The following ICA1 variants were observed in gnomAD, a reference collection of about 807,000 sequenced individuals.
ICA1 encodes the protein 69 kDa islet cell autoantigen.
A neutral mutation model predicts 71.0 loss-of-function variants in ICA1; 40 were observed. The ratio of observed to expected loss-of-function variants is 0.56; its 90% CI spans 0.44 to 0.73. The LOEUF (loss-of-function observed/expected upper bound fraction) is 0.73. ICA1 is among the 30% of genes least tolerant of loss of function. The pLI is 0.00. For synonymous variants in ICA1, 207 were observed against 209.5 expected (o/e 0.99, Z 0.10); for missense variants, 578 against 576.5 (o/e 1.00, Z -0.03).
At chr7:8,119,649 C>T (rs1272491792) in intron 13 of ICA1, among the ~76,000 whole-genome samples, 2 of 152,008 alleles carry the variant, frequency 1.3e-5, no homozygotes, top group African/African-American at 4.8e-5. Context: ...AGTTCAAGAC[C>T]AGCCCGGCCA....
At chr7:8,172,449 G>A (rs920089078) in intron 6 of ICA1, among the ~76,000 whole-genome samples, 1 of 151,980 alleles carries the variant, frequency 6.6e-6, no homozygotes, top group Admixed American at 6.6e-5. Flanking sequence ...CTTTTGTTTT[G>A]AATAAATCTG....
At chr7:8,254,464 T>C (rs889832074) in intron 1 of ICA1, among the ~76,000 whole-genome samples, 3 of 148,880 alleles carry the variant, frequency 2.0e-5, no homozygotes, top group East Asian at 3.9e-4. Flanking sequence ...TATATGATCA[T>C]GTATGCTCAG....
intron 6 of ICA1, among the ~76,000 whole-genome samples, chr7:8,162,279 C>CG (rs1365264917): frequency 2.0e-5 from 3 of 152,230 alleles, no homozygotes; most frequent in Admixed American, 6.5e-5. Flanking sequence ...ACAACTTCAA[C>CG]ACTTGACCCA....
At position 8,121,882 on chromosome 7, in the gene ICA1, C is replaced by T. The variant is rs532641021; in HGVS notation, c.1330+5991G>A. 1.4e-4 allele frequency among the ~76,000 whole-genome samples: 21 copies of T among 152,250 alleles called. No individual in the cohort carries two copies. The East Asian group carries it at 3.3e-3, about 24-fold the overall frequency. On this transcript the variant is annotated intron_variant, in intron 13 of 13. Coordinates refer to ENST00000402384, the MANE Select transcript of ICA1 (RefSeq NM_001136020.3). ...ATCTCACATACCCCATAAATACATACGTCTACTAGTCCCACAGAAATTAAA... is the reference window on the plus strand; with the variant it reads ...ATCTCACATACCCCATAAATACATATGTCTACTAGTCCCACAGAAATTAAA...
At chr7:8,238,461 C>A (rs1802591100) in intron 1 of ICA1, among the ~76,000 whole-genome samples, 1 of 151,994 alleles carries the variant, frequency 6.6e-6, no homozygotes, top group South Asian at 2.1e-4. Flanking sequence ...AGGTCTTTTG[C>A]CCATTTTTAA....
intron 6 of ICA1, among the ~76,000 whole-genome samples, chr7:8,199,946 C>T (rs539853107): frequency 3.9e-5 from 6 of 152,004 alleles, no homozygotes; most frequent in Admixed American, 2.6e-4. Context: ...GTCGGGATGG[C>T]TAATGGGTAC....
chr7:8,190,233 G>C (rs7798832), intron 6 of ICA1, among the ~76,000 whole-genome samples: 150,101 of 151,812 alleles, frequency 0.99, 74,211 homozygotes, highest in Middle Eastern at 1. Flanking sequence ...TTTTTTTTCC[G>C]CAGTCAGATT....
chr7:8,116,756 T>C (rs2127995932), intron 13 of ICA1, among the ~76,000 whole-genome samples: 1 of 152,354 alleles, frequency 6.6e-6, no homozygotes, highest in South Asian at 2.1e-4. Flanking sequence ...TCTTCTCGAC[T>C]TCCAATATGA....
intron 6 of ICA1, among the ~76,000 whole-genome samples, chr7:8,195,542 CAAAACAAAAACA>C (rs58143077): frequency 0.039 from 5,872 of 149,470 alleles, 131 homozygotes; most frequent in Middle Eastern, 0.1. Context: ...AACTCTATCT[CAAAACAAAAACA>C]AAAACAAAAA....
At chr7:8,258,488 G>A (rs1322285142) in intron 1 of ICA1, among the ~76,000 whole-genome samples, 1 of 152,170 alleles carries the variant, frequency 6.6e-6, no homozygotes, top group Non-Finnish European at 1.5e-5. Context: ...ACTAATTGAG[G>A]AACTGCCACT....
intron 4 of ICA1, 68 bp downstream of exon 4, chr7:8,228,533 T>A (rs1799316987): frequency 1.1e-6 from 1 of 902,390 alleles, no homozygotes; most frequent in African/African-American, 1.7e-5. Context: ...TATGAAATGA[T>A]GTATCAAGAC....
intron 4 of ICA1, among the ~76,000 whole-genome samples, chr7:8,225,395 G>A (rs1798314575): frequency 6.6e-6 from 1 of 152,126 alleles, no homozygotes; most frequent in Non-Finnish European, 1.5e-5. Flanking sequence ...TTGATCACAG[G>A]TTTGCACCTG....
chr7:8,247,743 G>A (rs1247139289), intron 1 of ICA1, among the ~76,000 whole-genome samples: 4 of 152,130 alleles, frequency 2.6e-5, no homozygotes, highest in African/African-American at 4.8e-5. Flanking sequence ...TGCAATGAAC[G>A]CTTGTTCTGA....
rs1798693674 is a variant in ICA1 at position 8,226,685 on chromosome 7, G to C, written c.256+1916C>G. 6.6e-6 allele frequency among the ~76,000 whole-genome samples: 1 copy of C among 152,210 alleles called. No homozygotes were observed. Among genetic ancestry groups the C allele is most frequent in the African/African-American group, 2.4e-5 (1 of 41,458 alleles). ...AGAACTCCTCCTTCCTGTCTCTGCT[G>C]AGATGGCATGGCTCATGTGAGCTTA... On this transcript the variant is annotated intron_variant, in intron 4 of 13. Coordinates refer to ENST00000402384, the MANE Select transcript of ICA1 (RefSeq NM_001136020.3). This position sits in a 1 kb window ranked among gnomAD's most constrained non-coding sequence, Gnocchi z 4.4.
intron 13 of ICA1, chr7:8,115,097 T>C (rs1423110276): frequency 1.3e-5 from 2 of 152,254 alleles, no homozygotes; most frequent in African/African-American, 4.8e-5. Flanking sequence ...AATGCTAAGA[T>C]AGTGTACCGA....
At position 8,123,386 on chromosome 7, in the gene ICA1, G is replaced by A. The variant is rs942548108; in HGVS notation, c.1330+4487C>T. Among the ~76,000 whole-genome samples, 2 of 152,166 alleles carry A rather than the reference G, an allele frequency of 1.3e-5. No individual in the cohort carries two copies. Among genetic ancestry groups the A allele is most frequent in the African/African-American group, 4.8e-5 (2 of 41,436 alleles). On this transcript the variant is annotated intron_variant, in intron 13 of 13. Coordinates refer to ENST00000402384, the MANE Select transcript of ICA1 (RefSeq NM_001136020.3). The surrounding 1 kb of genome is among the most constrained non-coding windows in gnomAD (Gnocchi z 4.1). Reference sequence around the variant, plus strand: ...GGAAACTGAAGAGATGAAGGCGGAAGAGGAGGGGGAAATGTGGATTGTGAG... The same window carrying A: ...GGAAACTGAAGAGATGAAGGCGGAAAAGGAGGGGGAAATGTGGATTGTGAG...
At chr7:8,230,402 A>C (rs1355927697) in intron 3 of ICA1, among the ~76,000 whole-genome samples, 1 of 152,206 alleles carries the variant, frequency 6.6e-6, no homozygotes, top group Admixed American at 6.5e-5. Context: ...ACGAACATCA[A>C]AGAGGTTTTC....
At chr7:8,204,745 A>C (rs1167933692) in intron 6 of ICA1, among the ~76,000 whole-genome samples, 1 of 152,214 alleles carries the variant, frequency 6.6e-6, no homozygotes, top group African/African-American at 2.4e-5. Flanking sequence ...CGTTCTTTTA[A>C]AGTACGTTTT....
chr7:8,237,363 A>G (rs1802176585), intron 1 of ICA1, among the ~76,000 whole-genome samples: 1 of 152,216 alleles, frequency 6.6e-6, no homozygotes, highest in Non-Finnish European at 1.5e-5. Context: ...GAGGGTGTTC[A>G]AAGGAAATGG....
Sources: allele counts gnomAD v4.1 joint callset (sites outside exome capture counted in the v4.1 genomes callset), GRCh38; gene constraint gnomAD v4.1.1; non-coding constraint Gnocchi (gnomAD v3.1); transcripts MANE v1.5; gene names NCBI Gene and HGNC (gene_info 2026-07-23, HGNC 2026-07-21).